The following CNOT11 variants were observed in gnomAD, a reference collection of about 807,000 sequenced individuals.
CNOT11 encodes the protein CCR4-NOT transcription complex subunit 11, also known as UPF0760 protein C2orf29.
Under a neutral mutation model 44.6 loss-of-function variants are expected in CNOT11, and 18 were observed. The ratio of observed to expected loss-of-function variants is 0.40; its 90% CI spans 0.28 to 0.60. CNOT11 has a LOEUF of 0.60. Ranked by LOEUF, CNOT11 falls within the 20% of genes least tolerant of loss-of-function variation. The pLI, the probability that CNOT11 is intolerant of heterozygous loss-of-function variation, is 0.38. For synonymous variants in CNOT11, 291 were observed against 270.9 expected, an observed-to-expected ratio of 1.07 and a Z score of -0.73; for missense variants, 513 against 677.0, an observed-to-expected ratio of 0.76 and a Z score of 2.69.
At chr2:101,260,940 G>T (rs566157959) in intron 2 of CNOT11, among the ~76,000 whole-genome samples, 71 of 151,808 alleles carry the variant, frequency 4.7e-4, no homozygotes, top group Non-Finnish European at 9.3e-4. Flanking sequence ...ATTTCTCCTA[G>T]TAAGTGGATG....
chr2:101,259,771 C>T (rs1454413544), intron 2 of CNOT11, among the ~76,000 whole-genome samples: 9 of 152,082 alleles, frequency 5.9e-5, no homozygotes, highest in Non-Finnish European at 1.2e-4. Context: ...GGCACAATGG[C>T]GCATACCTAT....
At chr2:101,265,651 A>G (rs1368236236) in intron 4 of CNOT11, among the ~76,000 whole-genome samples, 1 of 152,106 alleles carries the variant, frequency 6.6e-6, no homozygotes, top group Non-Finnish European at 1.5e-5. Context: ...TGCTGTGTAC[A>G]GTGGGACACT....
Position 101,252,954 on chromosome 2 carries a change from G to A in CNOT11, c.-11G>A, listed in dbSNP as rs1681652285. On this transcript the variant is annotated 5_prime_UTR_variant, in exon 1 of 7. Transcript: ENST00000289382. ...CCTCGGGCCGGGAAGAGGGGAAGGG[G>A]AGCGAGGTTGATGCCCGGCGGAGGG... is the stretch of plus-strand genomic sequence containing the variant. 6.9e-7 allele frequency: 1 copy of A among 1,459,634 alleles called. No homozygotes were observed. The highest frequency in any genetic ancestry group is 1.4e-5 in the South Asian group (1 of 73,812). The allele number at this position is 1,459,634 out of a possible 1,614,324, so 90.4% of individuals were successfully genotyped here. A position where few individuals can be genotyped will look rare whatever the true frequency, so the allele number is the denominator to read the frequency against.
In CNOT11 at chr2:101,269,333, C is replaced by T; in HGVS notation, c.1453C>T (p.Arg485Ter). ...ATTCTGTATTGAATTCAGTAGGATA[C>T]GAGAAGCTGCTGGTCTTTTCCGGTT... is the stretch of plus-strand genomic sequence containing the variant. ...QAFCIEFSRI[R>*]EAAGLFRLLK... Residue 485 changes from arginine to a stop codon, truncating the protein, a stop_gained, in exon 7 of 7, where the codon CGA becomes TGA. Transcript: ENST00000289382. LOFTEE classifies it high-confidence loss of function. The surrounding 1 kb of genome is among the most constrained non-coding windows in gnomAD (Gnocchi z 4.8). 1.2e-6 allele frequency: 2 copies of T among 1,613,818 alleles called. No individual in the cohort carries two copies. The highest frequency in any genetic ancestry group is 1.7e-5 in the Admixed American group (1 of 59,992).
At chr2:101,257,602 T>G (rs1681763436) in intron 1 of CNOT11, among the ~76,000 whole-genome samples, 189 bp from the exon 2 acceptor site, 1 of 152,158 alleles carries the variant, frequency 6.6e-6, no homozygotes, top group Non-Finnish European at 1.5e-5. Context: ...GGGCCACAGA[T>G]CATAGAATTT....
intron 1 of CNOT11, among the ~76,000 whole-genome samples, chr2:101,254,079 T>C (rs1236434050): frequency 6.6e-6 from 1 of 152,220 alleles, no homozygotes; most frequent in African/African-American, 2.4e-5. Context: ...TTTACTATTG[T>C]GTGGCATTGG....
intron 2 of CNOT11, among the ~76,000 whole-genome samples, chr2:101,259,508 T>G (rs556603898): frequency 6.6e-6 from 1 of 152,350 alleles, no homozygotes; most frequent in Admixed American, 6.5e-5. Flanking sequence ...TGGGCTTGCC[T>G]GCTGTCAGCA....
Position 101,269,134 on chromosome 2 carries a change from C to A in CNOT11, c.1333C>A (p.Gln445Lys). The change falls in exon 6 of 7, where the codon CAG becomes AAG. Residue 445 changes from glutamine to lysine, a missense_variant and splice_region_variant. By Grantham distance (53) the Gln-to-Lys change is moderately conservative. Transcript: ENST00000289382. The surrounding 1 kb of genome is among the most constrained non-coding windows in gnomAD (Gnocchi z 4.8). ...TGAACAGATTAAGGATAAATATATGCAGGTAATATAAATTTTTGTAAATTT... is the reference window on the plus strand; with the variant it reads ...TGAACAGATTAAGGATAAATATATGAAGGTAATATAAATTTTTGTAAATTT... ...TCEQIKDKYM[Q>K]NRLVRLVCVF... 1 of 1,594,046 alleles carries A rather than the reference C, an allele frequency of 6.3e-7. No individual in the cohort carries two copies. Among genetic ancestry groups the A allele is most frequent in the Non-Finnish European group, 8.6e-7 (1 of 1,166,410 alleles).
At chr2:101,257,407 A>G (rs1165480906) in intron 1 of CNOT11, among the ~76,000 whole-genome samples, 1 of 151,680 alleles carries the variant, frequency 6.6e-6, no homozygotes, top group African/African-American at 2.4e-5. Flanking sequence ...AAAAAAAAAA[A>G]AGCCACAAAA....
In CNOT11 at chr2:101,264,212, T is replaced by C. The variant is rs147056929; in HGVS notation, c.833-633T>C. On this transcript the variant is annotated intron_variant, in intron 3 of 6. Coordinates refer to ENST00000289382, the MANE Select transcript of CNOT11 (RefSeq NM_017546.5). ...AGTGGGTTTGTAACTCAGGGATGAATCTTGTTTTATAAAATAGTTGAGTTG... is the reference window on the plus strand; with the variant it reads ...AGTGGGTTTGTAACTCAGGGATGAACCTTGTTTTATAAAATAGTTGAGTTG... Among the ~76,000 whole-genome samples, 692 of 152,344 alleles carry C rather than the reference T, an allele frequency of 4.5e-3. 3 individuals are homozygous for C. Among genetic ancestry groups the C allele is most frequent in the African/African-American group, 0.016 (659 of 41,580 alleles).
chr2:101,253,466 C>G lies in CNOT11; in HGVS notation c.502C>G (p.Pro168Ala). 1 of 1,488,552 alleles carries G rather than the reference C, an allele frequency of 6.7e-7. No homozygotes were observed. The highest frequency in any genetic ancestry group is 8.9e-7 in the Non-Finnish European group (1 of 1,129,494). 92.2% of individuals were successfully genotyped at this position (1,488,552 alleles called of 1,614,324 possible). A position where few individuals can be genotyped will look rare whatever the true frequency, so the allele number is the denominator to read the frequency against. ...CCGCGGCGGCCAGGAACCCGACCGC[C>G]CTCCGCTCTCAGGTACCTCCTGAAG... Reference protein sequence around the residue: ...PARGGQEPDRPPLSGFLPPIT... With the variant: ...PARGGQEPDRAPLSGFLPPIT... Residue 168 changes from proline (P) to alanine (A), a missense_variant, in exon 1 of 7, where the codon CCT (proline) becomes GCT (alanine). By Grantham distance (27) the Pro-to-Ala change is conservative. Transcript: ENST00000289382. This position sits in a 1 kb window ranked among gnomAD's most constrained non-coding sequence, Gnocchi z 4.3.
At position 101,253,332 on chromosome 2, in the gene CNOT11, A is replaced by G. The variant is rs1440844221; in HGVS notation, c.368A>G (p.Gln123Arg). The change falls in exon 1 of 7, where the codon CAG (glutamine) becomes CGG (arginine). Residue 123 changes from glutamine to arginine, a missense_variant. This residue lies in a region of CNOT11 where 259 missense variants were observed against 265.7 expected (regional missense o/e 0.97). Transcript: ENST00000289382. This position sits in a 1 kb window ranked among gnomAD's most constrained non-coding sequence, Gnocchi z 4.3. The stretch of plus-strand genomic sequence containing the variant: ...CCCGACCTGCTGCCTAGCGCGGCGC[A>G]GCGCCTCACGGCGCTCTACCTGCTC... ...QQPDLLPSAA[Q>R]RLTALYLLWE... 1 of 1,605,240 alleles carries G rather than the reference A, an allele frequency of 6.2e-7. No individual in the cohort carries two copies. The highest frequency in any genetic ancestry group is 8.5e-7 in the Non-Finnish European group (1 of 1,179,026).
chr2:101,262,214 T>C (rs923343016), intron 2 of CNOT11, among the ~76,000 whole-genome samples: 1 of 152,220 alleles, frequency 6.6e-6, no homozygotes, highest in Admixed American at 6.5e-5. Context: ...TTAACATCAC[T>C]GACGGGTTGT....
chr2:101,263,759 T>C (rs545772962), intron 3 of CNOT11, among the ~76,000 whole-genome samples: 2 of 152,356 alleles, frequency 1.3e-5, no homozygotes, highest in East Asian at 1.9e-4. Context: ...GAAATGTCCA[T>C]GGCATGTAAT....
intron 5 of CNOT11, among the ~76,000 whole-genome samples, chr2:101,268,597 T>C (rs1682044335): frequency 2.6e-5 from 4 of 152,212 alleles, no homozygotes; most frequent in Admixed American, 2.6e-4. Flanking sequence ...TTGAGGTCTG[T>C]TAAGTTTAGA....
intron 2 of CNOT11, among the ~76,000 whole-genome samples, chr2:101,261,465 T>C (rs1681860170): frequency 6.6e-6 from 1 of 152,212 alleles, no homozygotes; most frequent in African/African-American, 2.4e-5. Context: ...CATTCTGTTG[T>C]TGATGGACAT....
chr2:101,268,048 A>T (rs550266246), intron 5 of CNOT11, among the ~76,000 whole-genome samples: 1 of 152,372 alleles, frequency 6.6e-6, no homozygotes, highest in South Asian at 2.1e-4. Flanking sequence ...CTGGAAGCTG[A>T]GGGAGTGGAA....
At chr2:101,266,634 T>C (rs1320252141) in intron 4 of CNOT11, 43 bp from the exon 5 acceptor site, 6 of 1,493,584 alleles carry the variant, frequency 4.0e-6, no homozygotes, top group Admixed American at 1.7e-5. Context: ...TCAACACCCT[T>C]TCTCTCTCCC....
rs576622690 is a variant in CNOT11, at chr2:101,269,526, T to C, written c.*113T>C. 1.3e-5 allele frequency: 11 copies of C among 848,564 alleles called. No individual in the cohort carries two copies. The highest frequency in any genetic ancestry group is 2.9e-5 in the Admixed American group (1 of 34,502). The allele number at this position is 848,564 out of a possible 1,614,324, so 52.6% of individuals were successfully genotyped here. The stretch of plus-strand genomic sequence containing the variant: ...GGTTTAATGCATATAAACAGTACTT[T>C]ATCTACTTAAAGCAAAGTTTTGCTT... On this transcript the variant is annotated 3_prime_UTR_variant, in exon 7 of 7. Coordinates refer to ENST00000289382, the MANE Select transcript of CNOT11 (RefSeq NM_017546.5). This position sits in a 1 kb window ranked among gnomAD's most constrained non-coding sequence, Gnocchi z 4.8.
Sources: allele counts gnomAD v4.1 joint callset (sites outside exome capture counted in the v4.1 genomes callset), GRCh38; gene constraint gnomAD v4.1.1; regional missense constraint gnomAD v4.1.1; non-coding constraint Gnocchi (gnomAD v3.1); transcripts MANE v1.5; gene names NCBI Gene and HGNC (gene_info 2026-07-23, HGNC 2026-07-21).